DGKB: variants seen among roughly 807,000 people sequenced by gnomAD.
DGKB encodes the protein 90 kDa diacylglycerol kinase.
DGKB carries 67 observed loss-of-function variants against 114.3 expected under a neutral mutation model. That is an observed-to-expected ratio of 0.59 (90% CI 0.48 to 0.72). DGKB has a LOEUF of 0.72. DGKB is among the 30% of genes least tolerant of loss of function. The probability of loss-of-function intolerance (pLI) is 0.00; values close to 1 mark genes in which losing one functional copy is unlikely to be tolerated. For synonymous variants in DGKB, 398 were observed against 323.1 expected, an observed-to-expected ratio of 1.23 and a Z score of -2.49; for missense variants, 907 against 975.2, an observed-to-expected ratio of 0.93 and a Z score of 0.93.
At chr7:14,347,367 T>C (rs931046166) in intron 21 of DGKB, among the ~76,000 whole-genome samples, 3 of 152,022 alleles carry the variant, frequency 2.0e-5, no homozygotes, top group Non-Finnish European at 4.4e-5. Context: ...ACAGCCGTTA[T>C]GGAAAACAGT....
intron 20 of DGKB, among the ~76,000 whole-genome samples, chr7:14,556,469 T>A (rs1040087368): frequency 3.3e-5 from 5 of 152,140 alleles, no homozygotes; most frequent in Non-Finnish European, 5.9e-5. Flanking sequence ...AGTTCACTTT[T>A]AAAAATTTGT....
At chr7:14,812,189 T>A (rs1843536681) in intron 2 of DGKB, among the ~76,000 whole-genome samples, 1 of 152,216 alleles carries the variant, frequency 6.6e-6, no homozygotes, top group Admixed American at 6.5e-5. Flanking sequence ...ATCATGCTTC[T>A]ATGGACACGT....
chr7:14,417,769 C>A (rs556256142), intron 21 of DGKB, among the ~76,000 whole-genome samples: 1 of 151,162 alleles, frequency 6.6e-6, no homozygotes, highest in Non-Finnish European at 1.5e-5. Context: ...TAAATATAAA[C>A]CTCTGTAAAG....
intron 23 of DGKB, among the ~76,000 whole-genome samples, chr7:14,317,238 C>G: frequency 1.2e-5 from 1 of 83,518 alleles, no homozygotes; most frequent in Non-Finnish European, 2.5e-5. Context: ...ACAGGGATGC[C>G]CTCTCTCACC....
At chr7:14,295,941 G>A (rs950344909) in intron 23 of DGKB, among the ~76,000 whole-genome samples, 13 of 151,794 alleles carry the variant, frequency 8.6e-5, no homozygotes, top group African/African-American at 3.1e-4. Context: ...CTACTTATGA[G>A]TGAGAACATG....
chr7:14,859,501 T>A (rs1376699330), intron 1 of DGKB, among the ~76,000 whole-genome samples: 1 of 152,082 alleles, frequency 6.6e-6, no homozygotes. Flanking sequence ...AACACTGCAC[T>A]CTATAGAATG....
At chr7:14,634,462 C>G (rs1323427176) in intron 13 of DGKB, among the ~76,000 whole-genome samples, 2 of 142,898 alleles carry the variant, frequency 1.4e-5, no homozygotes, top group Non-Finnish European at 3.0e-5. Context: ...ATTTAGAAAT[C>G]ACTATATCTA....
chr7:14,892,687 C>T (rs573287286), intron 1 of DGKB, among the ~76,000 whole-genome samples: 1 of 151,116 alleles, frequency 6.6e-6, no homozygotes, highest in African/African-American at 2.4e-5. Flanking sequence ...CCATAAACTT[C>T]AAATTTTCTC....
chr7:14,720,087 C>G (rs1828883479), intron 5 of DGKB, among the ~76,000 whole-genome samples: 1 of 151,076 alleles, frequency 6.6e-6, no homozygotes, highest in Admixed American at 6.6e-5. Context: ...TAACACAGCA[C>G]ACACACACGC....
intron 2 of DGKB, among the ~76,000 whole-genome samples, chr7:14,776,943 G>A (rs532585054): frequency 1.6e-4 from 24 of 152,312 alleles, no homozygotes; most frequent in African/African-American, 5.8e-4. Context: ...CAGGAGGGAA[G>A]CTGTATTCTG....
chr7:14,931,679 T>C (rs930692214), intron 1 of DGKB, among the ~76,000 whole-genome samples: 1 of 152,092 alleles, frequency 6.6e-6, no homozygotes, highest in Admixed American at 6.6e-5. Flanking sequence ...AGTCCCAACA[T>C]GGATTCCTCT....
intron 21 of DGKB, among the ~76,000 whole-genome samples, chr7:14,401,106 T>C (rs1429219413): frequency 2.0e-5 from 3 of 151,964 alleles, no homozygotes; most frequent in African/African-American, 4.8e-5. Flanking sequence ...TAAAATCCAA[T>C]GTCTCTGATT....
chr7:14,341,990 T>A (rs1023071472), intron 22 of DGKB, among the ~76,000 whole-genome samples: 4 of 151,880 alleles, frequency 2.6e-5, no homozygotes, highest in African/African-American at 4.8e-5. Flanking sequence ...ACGTAAAACA[T>A]TACTTTATAG....
chr7:14,392,995 G>GTTTTGTTTTTTTTTTTTTTT (rs1554404749), intron 21 of DGKB, among the ~76,000 whole-genome samples: 14 of 60,546 alleles, frequency 2.3e-4, no homozygotes, highest in African/African-American at 6.3e-4. Context: ...TTTTGTTTTT[G>GTTTTGTTTTTTTTTTTTTTT]TTTTTTTTTT....
At chr7:14,432,394 A>G (rs1828585041) in intron 21 of DGKB, among the ~76,000 whole-genome samples, 1 of 152,166 alleles carries the variant, frequency 6.6e-6, no homozygotes, top group Non-Finnish European at 1.5e-5. Context: ...TAGGCTGTAA[A>G]CACCATCCAT....
intron 23 of DGKB, among the ~76,000 whole-genome samples, chr7:14,295,458 A>G (rs762617440): frequency 4.6e-5 from 7 of 152,106 alleles, no homozygotes; most frequent in Non-Finnish European, 8.8e-5. Context: ...AAAGCCTAAA[A>G]TCTGCATTTG....
At chr7:14,661,497 A>T (rs1817068964) in intron 13 of DGKB, among the ~76,000 whole-genome samples, 1 of 146,252 alleles carries the variant, frequency 6.8e-6, no homozygotes. Flanking sequence ...AATCAAAACC[A>T]CAATGAGATA....
intron 20 of DGKB, among the ~76,000 whole-genome samples, chr7:14,551,662 T>C (rs1795122984): frequency 6.6e-6 from 1 of 152,130 alleles, no homozygotes; most frequent in Admixed American, 6.6e-5. Flanking sequence ...AGCATTTCCA[T>C]GGATATAATA....
chr7:14,628,447 A>C (rs951976736), intron 14 of DGKB, among the ~76,000 whole-genome samples: 3 of 152,132 alleles, frequency 2.0e-5, no homozygotes, highest in African/African-American at 7.2e-5. Flanking sequence ...AGTTTTTGCT[A>C]TACTTTAAAA....
Sources: gnomAD v4.1 joint callset for allele counts (sites outside exome capture counted in the v4.1 genomes callset) on GRCh38, gnomAD v4.1.1 for gene constraint, MANE v1.5 for transcripts, NCBI Gene and HGNC (gene_info 2026-07-23, HGNC 2026-07-21) for gene names.